Variants in PTPN23 observed in about 807,000 individuals in gnomAD.
PTPN23 encodes tyrosine-protein phosphatase non-receptor type 23.
PTPN23 carries 72 observed loss-of-function variants against 156.3 expected under a neutral mutation model. The observed-to-expected ratio is 0.46, with a 90% CI of 0.38 to 0.56. PTPN23 has a LOEUF of 0.56. Ranked by LOEUF, PTPN23 falls within the 20% of genes least tolerant of loss-of-function variation. The pLI is 0.00. For synonymous variants in PTPN23, 957 were observed against 899.6 expected, an observed-to-expected ratio of 1.06 and a Z score of -1.14; for missense variants, 1,974 against 2,171.5, an observed-to-expected ratio of 0.91 and a Z score of 1.81.
In PTPN23 at chr3:47,409,773, C is replaced by T. The variant is rs116521545; in HGVS notation, c.2068C>T (p.Leu690=). 5.4e-4 allele frequency: 865 copies of T among 1,607,986 alleles called. 5 individuals are homozygous for T. The African/African-American group carries it at 0.01, about 19-fold the overall frequency. ...ADLESKVAAL[L]ERTQSTCQAR... ...TCTGGAGAGCAAGGTGGCTGCTCTGCTGGAGCGCACGCAGTCCACCTGCCA... is the reference window on the plus strand; with the variant it reads ...TCTGGAGAGCAAGGTGGCTGCTCTGTTGGAGCGCACGCAGTCCACCTGCCA... Residue 690 remains leucine (L), a synonymous_variant, in exon 19 of 25, where the codon CTG becomes TTG. Coordinates refer to ENST00000265562, the MANE Select transcript of PTPN23 (RefSeq NM_015466.4).
chr3:47,407,486 C>A lies in PTPN23; in HGVS notation c.924-19C>A. 1 of 1,612,734 alleles carries A rather than the reference C, an allele frequency of 6.2e-7. No individual in the cohort carries two copies. The highest frequency in any genetic ancestry group is 8.5e-7 in the Non-Finnish European group (1 of 1,178,760). On this transcript the variant is annotated intron_variant, in intron 11 of 24. Transcript: ENST00000265562. This position sits in a 1 kb window ranked among gnomAD's most constrained non-coding sequence, Gnocchi z 4.0. ...CTGACACCCCGTGACTGCCCACTCC[C>A]CCTGCTCCTGATCCCCAGGTACAAT... is the stretch of plus-strand genomic sequence containing the variant.
chr3:47,401,925 T>C (rs1705002621), intron 2 of PTPN23, among the ~76,000 whole-genome samples: 1 of 152,172 alleles, frequency 6.6e-6, no homozygotes, highest in Admixed American at 6.5e-5. Context: ...CCAGGGTGTA[T>C]GTACCCCATC....
At chr3:47,399,917 C>T (rs1048548752) in intron 2 of PTPN23, among the ~76,000 whole-genome samples, 12 of 152,116 alleles carry the variant, frequency 7.9e-5, no homozygotes, top group African/African-American at 2.7e-4. Flanking sequence ...TGGATTCAAG[C>T]GATCCTCCTA....
chr3:47,395,695 T>C (rs1352413405), intron 1 of PTPN23, among the ~76,000 whole-genome samples: 1 of 152,120 alleles, frequency 6.6e-6, no homozygotes, highest in East Asian at 1.9e-4. Flanking sequence ...GGAGAATGGG[T>C]TGGTGAGAGA....
Position 47,405,963 on chromosome 3 carries a change from G to A in PTPN23, c.463G>A (p.Ala155Thr), listed in dbSNP as rs762607857. Residue 155 changes from alanine to threonine, a missense_variant, in exon 6 of 25, where the codon GCC (alanine) becomes ACC (threonine). Coordinates refer to ENST00000265562, the MANE Select transcript of PTPN23 (RefSeq NM_015466.4). This position sits in a 1 kb window ranked among gnomAD's most constrained non-coding sequence, Gnocchi z 4.7. The stretch of plus-strand genomic sequence containing the variant: ...TTTCCAGTGCGCAGCCGGCGCCTTC[G>A]CCTACCTACGGGAGCACTTCCCTCA... ...THFQCAAGAFAYLREHFPQAY... is the reference protein window; with the variant it reads ...THFQCAAGAFTYLREHFPQAY... 4.3e-6 allele frequency: 7 copies of A among 1,613,866 alleles called. No individual in the cohort carries two copies. The South Asian group carries it at 4.4e-5, about 10-fold the overall frequency.
chr3:47,404,980 G>A, intron 3 of PTPN23, 25 bp from the exon 4 acceptor site: 2 of 1,614,034 alleles, frequency 1.2e-6, no homozygotes, highest in Admixed American at 1.7e-5. Context: ...CTGCCCTCGA[G>A]ATAACTGGGG....
At chr3:47,401,396 G>A (rs940536651) in intron 2 of PTPN23, among the ~76,000 whole-genome samples, 1 of 151,770 alleles carries the variant, frequency 6.6e-6, no homozygotes, top group Non-Finnish European at 1.5e-5. Context: ...TTGTAGAGGC[G>A]GAGTCTCGCC....
intron 1 of PTPN23, among the ~76,000 whole-genome samples, chr3:47,386,616 A>G (rs1704658784): frequency 6.6e-6 from 1 of 152,142 alleles, no homozygotes; most frequent in South Asian, 2.1e-4. Flanking sequence ...ACATGTATGT[A>G]CATACACAGA....
chr3:47,408,237 T>C, intron 14 of PTPN23, 108 bp from the exon 15 acceptor site: 1 of 1,476,150 alleles, frequency 6.8e-7, no homozygotes. Context: ...CAATTTGCTC[T>C]CTGCTGAGAC....
At chr3:47,398,033 C>T (rs1385476526) in intron 2 of PTPN23, among the ~76,000 whole-genome samples, 1 of 152,076 alleles carries the variant, frequency 6.6e-6, no homozygotes. Context: ...CAGTGGCTCA[C>T]GCCTGTAATG....
At position 47,405,328 on chromosome 3, in the gene PTPN23, G is replaced by C. The variant is rs1018534678; in HGVS notation, c.364+247G>C. 2 of 569,734 alleles carry C rather than the reference G, an allele frequency of 3.5e-6. No individual in the cohort carries two copies. The highest frequency in any genetic ancestry group is 5.9e-5 in the East Asian group (2 of 34,144). 35.3% of individuals were successfully genotyped at this position (569,734 alleles called of 1,614,324 possible). On this transcript the variant is annotated intron_variant, in intron 4 of 24. Transcript: ENST00000265562. The surrounding 1 kb of genome is among the most constrained non-coding windows in gnomAD (Gnocchi z 4.7). ...ACACAGAGTTGCCACTGTGTGCTCT[G>C]TCTGGGAGAGAGGGCCTTTCTTCTT...
intron 2 of PTPN23, among the ~76,000 whole-genome samples, chr3:47,399,902 C>T (rs1215751105): frequency 6.6e-6 from 1 of 152,144 alleles, no homozygotes; most frequent in African/African-American, 2.4e-5. Flanking sequence ...GCAACGTCTG[C>T]CTCCTGGATT....
chr3:47,411,834 G>T lies in PTPN23; in HGVS notation c.3940G>T (p.Gly1314Cys). Reference protein sequence around the residue: ...PTERGQPMVHGALSLALSSVR... With the variant: ...PTERGQPMVHCALSLALSSVR... ...CGAGAGGGGCCAGCCCATGGTGCAC[G>T]GTGCCCTGAGCCTGGCATTGAGCAG... Residue 1314 changes from glycine (G) to cysteine (C), a missense_variant, in exon 21 of 25, where the codon GGT (glycine) becomes TGT (cysteine). Around this residue, in one of 4 missense-constraint regions of PTPN23, gnomAD observed 484 missense variants for 516.0 expected, o/e 0.94. Coordinates refer to ENST00000265562, the MANE Select transcript of PTPN23 (RefSeq NM_015466.4). The surrounding 1 kb of genome is among the most constrained non-coding windows in gnomAD (Gnocchi z 6.3). 6.2e-7 allele frequency: 1 copy of T among 1,613,076 alleles called. No individual in the cohort carries two copies. The highest frequency in any genetic ancestry group is 8.5e-7 in the Non-Finnish European group (1 of 1,179,894).
chr3:47,410,594 C>T lies in PTPN23; in HGVS notation c.2796C>T (p.Ile932=), dbSNP rs1705254185. The T allele has an allele frequency of 6.2e-7, 1 of 1,609,200 alleles. No homozygotes were observed. Among genetic ancestry groups the T allele is most frequent in the Non-Finnish European group, 8.5e-7 (1 of 1,178,006 alleles). ...YTYPAGAKQP[I]PAQHHFSSGI... Reference sequence around the variant, plus strand: ...ACCCTGCAGGGGCTAAGCAACCCATCCCGGCACAGCACCACTTCTCTTCTG... The same window carrying T: ...ACCCTGCAGGGGCTAAGCAACCCATTCCGGCACAGCACCACTTCTCTTCTG... The change falls in exon 20 of 25, where the codon ATC becomes ATT. Residue 932 remains isoleucine, a synonymous_variant. Coordinates refer to ENST00000265562, the MANE Select transcript of PTPN23 (RefSeq NM_015466.4).
At chr3:47,395,972 C>T (rs915627908) in intron 1 of PTPN23, among the ~76,000 whole-genome samples, 171 bp from the exon 2 acceptor site, 2 of 152,028 alleles carry the variant, frequency 1.3e-5, no homozygotes, top group African/African-American at 4.8e-5. Flanking sequence ...CTCTCGTGGT[C>T]AGCATTTTGG....
At position 47,405,092 on chromosome 3, in the gene PTPN23, T is replaced by A; in HGVS notation, c.364+11T>A. On this transcript the variant is annotated intron_variant, in intron 4 of 24. Coordinates refer to ENST00000265562, the MANE Select transcript of PTPN23 (RefSeq NM_015466.4). This position sits in a 1 kb window ranked among gnomAD's most constrained non-coding sequence, Gnocchi z 4.7. ...TTCTCTACAACCTTGGTGAGCTGCCTGATCCCTTCCCCCGGCCCTACTCCC... is the reference window on the plus strand; with the variant it reads ...TTCTCTACAACCTTGGTGAGCTGCCAGATCCCTTCCCCCGGCCCTACTCCC... 1 of 1,613,566 alleles carries A rather than the reference T, an allele frequency of 6.2e-7. No individual in the cohort carries two copies. Among genetic ancestry groups the A allele is most frequent in the Non-Finnish European group, 8.5e-7 (1 of 1,179,486 alleles).
chr3:47,404,472 GC>G (rs1705074451), intron 2 of PTPN23, among the ~76,000 whole-genome samples, 179 bp from the exon 3 acceptor site: 1 of 149,938 alleles, frequency 6.7e-6, no homozygotes, highest in African/African-American at 2.5e-5. Context: ...CCAGCTGCCA[GC>G]CCTGGCTTGT....
In PTPN23 at chr3:47,410,074, C is replaced by G. The variant is rs140031403; in HGVS notation, c.2276C>G (p.Pro759Arg). ...GACATGGTGGCTGGCCCACGACTGC[C>G]TGACACCTTCCTGGGAAGTGCCACC... The part of the protein sequence containing the change: ...PPDMVAGPRL[P>R]DTFLGSATPL... The change falls in exon 20 of 25, where the codon CCT (proline) becomes CGT (arginine). Residue 759 changes from proline to arginine, a missense_variant. Around this residue, in one of 4 missense-constraint regions of PTPN23, gnomAD observed 731 missense variants for 669.1 expected, o/e 1.09. Coordinates refer to ENST00000265562, the MANE Select transcript of PTPN23 (RefSeq NM_015466.4). 22 of 1,611,644 alleles carry G rather than the reference C, an allele frequency of 1.4e-5. No homozygotes were observed. The highest frequency in any genetic ancestry group is 1.9e-5 in the Non-Finnish European group (22 of 1,179,092).
chr3:47,390,541 C>G (rs960665168), intron 1 of PTPN23, among the ~76,000 whole-genome samples: 1 of 152,126 alleles, frequency 6.6e-6, no homozygotes, highest in Non-Finnish European at 1.5e-5. Flanking sequence ...TTCTCAGCCT[C>G]CATTGGAGCT....
Sources: allele counts gnomAD v4.1 joint callset (sites outside exome capture counted in the v4.1 genomes callset), GRCh38; gene constraint gnomAD v4.1.1; regional missense constraint gnomAD v4.1.1; non-coding constraint Gnocchi (gnomAD v3.1); transcripts MANE v1.5; gene names NCBI Gene and HGNC (gene_info 2026-07-23, HGNC 2026-07-21).